The following GNAT3 variants were observed in gnomAD, a reference collection of about 807,000 sequenced individuals.
GNAT3 encodes G protein subunit alpha transducin 3, also known as guanine nucleotide-binding protein G(t) subunit alpha-3.
In GNAT3, 31 loss-of-function variants were observed where a neutral mutation model predicts 37.7. That is an observed-to-expected ratio of 0.82 (90% CI 0.62 to 1.11). The LOEUF (loss-of-function observed/expected upper bound fraction) is 1.11. Ranked by LOEUF, GNAT3 falls within the 50% of genes most tolerant of loss-of-function variation. The pLI, the probability that GNAT3 is intolerant of heterozygous loss-of-function variation, is 0.00. For missense variants in GNAT3, 437 were observed against 412.5 expected, an observed-to-expected ratio of 1.06 and a Z score of -0.51; for synonymous variants, 138 against 139.8, an observed-to-expected ratio of 0.99 and a Z score of 0.09.
chr7:80,500,858 C>A (rs760709906), intron 1 of GNAT3, among the ~76,000 whole-genome samples: 8 of 151,902 alleles, frequency 5.3e-5, no homozygotes, highest in Non-Finnish European at 1.2e-4. Context: ...TTTAAACATG[C>A]ATTGTTGGGA....
chr7:80,502,158 C>A (rs1336102438), intron 1 of GNAT3, among the ~76,000 whole-genome samples: 2 of 151,936 alleles, frequency 1.3e-5, no homozygotes, highest in African/African-American at 4.8e-5. Flanking sequence ...GGACAGGAAA[C>A]AACTTTTATA....
At chr7:80,465,932 T>G (rs985186486) in intron 5 of GNAT3, among the ~76,000 whole-genome samples, 6 of 152,142 alleles carry the variant, frequency 3.9e-5, no homozygotes, top group Non-Finnish European at 7.4e-5. Context: ...GATTAACTTA[T>G]GGATTTGGGG....
intron 4 of GNAT3, among the ~76,000 whole-genome samples, chr7:80,478,401 T>A (rs1043207377): frequency 6.6e-6 from 1 of 152,196 alleles, no homozygotes; most frequent in Non-Finnish European, 1.5e-5. Context: ...CTTCTAGAAT[T>A]TTGTATCATG....
Position 80,496,576 on chromosome 7 carries a change from C to T in GNAT3, c.119-1929G>A, listed in dbSNP as rs532952113. ...AATTCATATATTATTTAAAAATGTT[C>T]CTTTCATCACTGCAAAGTAAATTTC... is the stretch of plus-strand genomic sequence containing the variant. On this transcript the variant is annotated intron_variant, in intron 1 of 7. Coordinates refer to ENST00000398291, the MANE Select transcript of GNAT3 (RefSeq NM_001102386.3). Among the ~76,000 whole-genome samples, 6 of 152,292 alleles carry T rather than the reference C, an allele frequency of 3.9e-5. No individual in the cohort carries two copies. The East Asian group carries it at 1.2e-3, about 29-fold the overall frequency.
At position 80,488,614 on chromosome 7, in the gene GNAT3, C is replaced by A. The variant is rs1247074330; in HGVS notation, c.224G>T (p.Ser75Ile). The A allele has an allele frequency of 6.3e-7, 1 of 1,591,220 alleles. No individual in the cohort carries two copies. The highest frequency in any genetic ancestry group is 1.7e-5 in the Admixed American group (1 of 57,520). ...ECMEFKAVIY[S>I]NTLQSILAIV... ...AGCTAGGATGGATTGCAATGTATTACTGTAAATTACTGCTTTGAACTCCAT... is the reference window on the plus strand; with the variant it reads ...AGCTAGGATGGATTGCAATGTATTAATGTAAATTACTGCTTTGAACTCCAT... Residue 75 changes from serine (S) to isoleucine (I), a missense_variant, in exon 3 of 8, where the codon AGT (serine) becomes ATT (isoleucine). Physicochemically the swap from Ser to Ile is moderately radical, Grantham distance 142. Transcript: ENST00000398291.
chr7:80,490,205 C>G (rs1001133932), intron 2 of GNAT3, among the ~76,000 whole-genome samples: 1 of 152,102 alleles, frequency 6.6e-6, no homozygotes, highest in Admixed American at 6.6e-5. Context: ...CTGTATAATA[C>G]ATTAGTCACT....
intron 4 of GNAT3, among the ~76,000 whole-genome samples, chr7:80,475,750 G>A (rs1481827144): frequency 6.6e-6 from 1 of 152,026 alleles, no homozygotes; most frequent in East Asian, 1.9e-4. Flanking sequence ...TTTATTCTTG[G>A]AGGATCTTTT....
At chr7:80,482,079 C>A (rs559187760) in intron 3 of GNAT3, among the ~76,000 whole-genome samples, 1 of 152,270 alleles carries the variant, frequency 6.6e-6, no homozygotes, top group South Asian at 2.1e-4. Context: ...CCTCCTGAGG[C>A]TGTGCCATGG....
chr7:80,481,927 T>A (rs1229625106), intron 3 of GNAT3, among the ~76,000 whole-genome samples: 1 of 152,210 alleles, frequency 6.6e-6, no homozygotes, highest in Admixed American at 6.5e-5. Context: ...TGAATCCACC[T>A]ATGACTGGAA....
At chr7:80,503,074 C>G (rs924938964) in intron 1 of GNAT3, among the ~76,000 whole-genome samples, 1 of 151,990 alleles carries the variant, frequency 6.6e-6, no homozygotes, top group Admixed American at 6.6e-5. Context: ...AAGCCAAGTA[C>G]TATCATTTTA....
intron 1 of GNAT3, among the ~76,000 whole-genome samples, chr7:80,507,857 T>C (rs1350802214): frequency 6.6e-6 from 1 of 151,968 alleles, no homozygotes; most frequent in Non-Finnish European, 1.5e-5. Context: ...AGTGAAACCA[T>C]TTGAAAAGTT....
chr7:80,482,442 C>G (rs770569427), intron 3 of GNAT3, among the ~76,000 whole-genome samples: 1 of 151,942 alleles, frequency 6.6e-6, no homozygotes, highest in South Asian at 2.1e-4. Context: ...TATACTGTTT[C>G]ATTTCTTTCT....
intron 5 of GNAT3, among the ~76,000 whole-genome samples, chr7:80,463,684 T>A (rs2116140810): frequency 6.6e-6 from 1 of 151,948 alleles, no homozygotes; most frequent in South Asian, 2.1e-4. Flanking sequence ...GAACGTTATC[T>A]GTATTAGTAA....
intron 1 of GNAT3, among the ~76,000 whole-genome samples, chr7:80,501,093 G>C (rs566009703): frequency 1.3e-5 from 2 of 151,986 alleles, no homozygotes; most frequent in Non-Finnish European, 2.9e-5. Context: ...TCTGCCCATG[G>C]ACTGTTTGAT....
intron 7 of GNAT3, 21 bp downstream of exon 7, chr7:80,462,138 A>G (rs1321046554): frequency 2.0e-6 from 3 of 1,476,226 alleles, no homozygotes; most frequent in Non-Finnish European, 2.7e-6. Flanking sequence ...TTTCTATGGA[A>G]CTAAAAGAAA....
At chr7:80,506,688 A>T (rs909584905) in intron 1 of GNAT3, among the ~76,000 whole-genome samples, 5 of 152,168 alleles carry the variant, frequency 3.3e-5, no homozygotes, top group Admixed American at 3.3e-4. Context: ...CGCATTAAGA[A>T]TATTCATGCA....
chr7:80,492,086 T>A (rs1485887324), intron 2 of GNAT3, among the ~76,000 whole-genome samples: 1 of 151,934 alleles, frequency 6.6e-6, no homozygotes, highest in Non-Finnish European at 1.5e-5. Flanking sequence ...TCCCAGCACT[T>A]TGGAAGGCTG....
chr7:80,470,559 C>T (rs977971235), intron 5 of GNAT3, among the ~76,000 whole-genome samples: 1 of 152,152 alleles, frequency 6.6e-6, no homozygotes. Context: ...AGCTGGGCTT[C>T]ACAATCCAAT....
chr7:80,488,824 T>G (rs1212175250), intron 2 of GNAT3, 148 bp from the exon 3 acceptor site: 2 of 529,856 alleles, frequency 3.8e-6, no homozygotes, highest in Non-Finnish European at 3.3e-6. Context: ...CTAAACAATT[T>G]TATGCCTTTG....
Sources: allele counts gnomAD v4.1 joint callset (sites outside exome capture counted in the v4.1 genomes callset), GRCh38; gene constraint gnomAD v4.1.1; transcripts MANE v1.5; gene names NCBI Gene and HGNC (gene_info 2026-07-23, HGNC 2026-07-21).